The following CUX2 variants were observed in gnomAD, a reference collection of about 807,000 sequenced individuals.
The protein encoded by CUX2 is cut like homeobox 2, also known as homeobox protein cut-like 2.
A neutral mutation model predicts 144.8 loss-of-function variants in CUX2; 40 were observed. That is an observed-to-expected ratio of 0.28 (90% CI 0.21 to 0.36). The LOEUF (loss-of-function observed/expected upper bound fraction) is 0.36, where lower values mean the gene tolerates loss of function less well. Among genes scored for constraint, CUX2 ranks in the 10% least tolerant of loss-of-function variants. CUX2 has a pLI of 1.00. For synonymous variants in CUX2, 827 were observed against 875.6 expected (o/e 0.94, Z 0.98); for missense variants, 1,615 against 1,994.0 (o/e 0.81, Z 3.62).
At chr12:111,318,257 T>C (rs1177059776) in intron 16 of CUX2, among the ~76,000 whole-genome samples, 6 of 147,686 alleles carry the variant, frequency 4.1e-5, no homozygotes, top group African/African-American at 1.5e-4. Context: ...TTTTTTTTTT[T>C]TTTTCACTTT....
rs1213336136 is a variant in CUX2 at position 111,277,491 on chromosome 12, A to G, written c.301+13652A>G. Among the ~76,000 whole-genome samples the G allele has an allele frequency of 6.6e-6, 1 of 151,392 alleles. No individual in the cohort carries two copies. Among genetic ancestry groups the G allele is most frequent in the African/African-American group, 2.4e-5 (1 of 41,136 alleles). ...TGCCTCATTAGGGCTCCGCGGAGAC[A>G]CCACTCCCCTCACCAGGCTGCCCAT... On this transcript the variant is annotated intron_variant, in intron 4 of 21. Coordinates refer to ENST00000261726, the MANE Select transcript of CUX2 (RefSeq NM_015267.4). This position sits in a 1 kb window ranked among gnomAD's most constrained non-coding sequence, Gnocchi z 5.0.
chr12:111,187,663 G>A (rs372943041), intron 1 of CUX2, among the ~76,000 whole-genome samples: 318 of 152,270 alleles, frequency 2.1e-3, no homozygotes, highest in African/African-American at 7.3e-3. Flanking sequence ...ACAACAGGCC[G>A]GCTGGGTCTC....
In CUX2 at chr12:111,073,853, C is replaced by T. The variant is rs997432054; in HGVS notation, c.63+39613C>T. ...GCAAGCGCCTGTAGTTCTAGCTACT[C>T]CGGAGGCTGAGGCAGGAGAATGTCT... On this transcript the variant is annotated intron_variant, in intron 1 of 21. Transcript: ENST00000261726. Among the ~76,000 whole-genome samples the T allele has an allele frequency of 9.9e-5, 15 of 151,776 alleles. 2 individuals are homozygous for T. The highest frequency in any genetic ancestry group is 3.6e-4 in the African/African-American group (15 of 41,170).
chr12:111,248,027 A>G (rs1209480857), intron 3 of CUX2, among the ~76,000 whole-genome samples: 2 of 152,136 alleles, frequency 1.3e-5, no homozygotes, highest in Non-Finnish European at 2.9e-5. Flanking sequence ...TGCCTCAGCA[A>G]CCGAAGTACA....
At chr12:111,301,226 A>C (rs1264324475) in intron 9 of CUX2, among the ~76,000 whole-genome samples, 1 of 152,190 alleles carries the variant, frequency 6.6e-6, no homozygotes, top group Non-Finnish European at 1.5e-5. Flanking sequence ...GCTGGGGTAC[A>C]GCAGATCCAT....
intron 1 of CUX2, among the ~76,000 whole-genome samples, chr12:111,038,704 C>G (rs917213607): frequency 3.3e-5 from 5 of 152,356 alleles, no homozygotes; most frequent in Admixed American, 3.3e-4. Context: ...TTCTCAAAAA[C>G]GGGCTCTCTC....
At chr12:111,335,724 A>G (rs1592982631) in intron 19 of CUX2, among the ~76,000 whole-genome samples, 1 of 152,084 alleles carries the variant, frequency 6.6e-6, no homozygotes, top group African/African-American at 2.4e-5. Flanking sequence ...ATAAAAAATA[A>G]AAAAGCTTCC....
chr12:111,293,755 T>C lies in CUX2; in HGVS notation c.560+186T>C, dbSNP rs2136335617. ...TGGGTTCAAGTTCCACTGCAGGAACTCAGTGGCCAGCCCTGGGCAAGTCAC... is the reference window on the plus strand; with the variant it reads ...TGGGTTCAAGTTCCACTGCAGGAACCCAGTGGCCAGCCCTGGGCAAGTCAC... On this transcript the variant is annotated intron_variant, in intron 6 of 21. Transcript: ENST00000261726. This position sits in a 1 kb window ranked among gnomAD's most constrained non-coding sequence, Gnocchi z 4.5. Among the ~76,000 whole-genome samples, 1 of 152,290 alleles carries C rather than the reference T, an allele frequency of 6.6e-6. No homozygotes were observed. The highest frequency in any genetic ancestry group is 3.4e-3 in the Middle Eastern group (1 of 294).
rs1378753957 is a variant in CUX2 at position 111,349,728 on chromosome 12, C to T, written c.*1403C>T. 6.6e-6 allele frequency: 1 copy of T among 152,172 alleles called. No homozygotes were observed. Among genetic ancestry groups the T allele is most frequent in the East Asian group, 1.9e-4 (1 of 5,198 alleles). 9.4% of individuals were successfully genotyped at this position (152,172 alleles called of 1,614,324 possible). Reference sequence around the variant, plus strand: ...TTCCCAATTTGGATAGAACGGCCACCATATTGGTTACTGAATCTCTCTCCC... The same window carrying T: ...TTCCCAATTTGGATAGAACGGCCACTATATTGGTTACTGAATCTCTCTCCC... On this transcript the variant is annotated 3_prime_UTR_variant, in exon 22 of 22. Transcript: ENST00000261726.
intron 1 of CUX2, among the ~76,000 whole-genome samples, chr12:111,042,853 C>T (rs1869817520): frequency 6.7e-6 from 1 of 149,968 alleles, no homozygotes; most frequent in South Asian, 2.1e-4. Flanking sequence ...CCAGGCTAGT[C>T]TCGAACTCCT....
chr12:111,086,836 G>T (rs1306208111), intron 1 of CUX2, among the ~76,000 whole-genome samples: 1 of 152,154 alleles, frequency 6.6e-6, no homozygotes, highest in African/African-American at 2.4e-5. Context: ...GGAGGCTGAG[G>T]CAAGAGGATC....
intron 3 of CUX2, among the ~76,000 whole-genome samples, chr12:111,243,496 C>CCT (rs1555207180): frequency 7.5e-5 from 6 of 80,020 alleles, no homozygotes; most frequent in African/African-American, 3.6e-4. Context: ...GTTGATGTGC[C>CCT]TTTTTTTTTT....
At chr12:111,297,388 G>GC (rs1886065483) in intron 8 of CUX2, among the ~76,000 whole-genome samples, 1 of 152,156 alleles carries the variant, frequency 6.6e-6, no homozygotes, top group Non-Finnish European at 1.5e-5. Context: ...TCGGCTGGAG[G>GC]CCCCCGTTTC....
At position 111,035,884 on chromosome 12, in the gene CUX2, G is replaced by GGCTGCGA. The variant is rs1379243950; in HGVS notation, c.63+1649_63+1655dup. ...TTTGGTGGCCAACTGAGACGGGCAG[G>GGCTGCGA]GCTGCGAGCTGTGCCTGCCGGCTTA... On this transcript the variant is annotated intron_variant, in intron 1 of 21. Transcript: ENST00000261726. The surrounding 1 kb of genome is among the most constrained non-coding windows in gnomAD (Gnocchi z 6.0). Among the ~76,000 whole-genome samples, 1 of 152,148 alleles carries GGCTGCGA rather than the reference G, an allele frequency of 6.6e-6. No homozygotes were observed. Among genetic ancestry groups the GGCTGCGA allele is most frequent in the Non-Finnish European group, 1.5e-5 (1 of 68,042 alleles).
chr12:111,147,547 T>G (rs1014382609), intron 1 of CUX2, among the ~76,000 whole-genome samples: 1 of 152,178 alleles, frequency 6.6e-6, no homozygotes, highest in East Asian at 1.9e-4. Context: ...GTTCCCACCC[T>G]CTCGTGCTCT....
chr12:111,334,718 G>A lies in CUX2; in HGVS notation c.3196+8G>A, dbSNP rs2136434231. The A allele has an allele frequency of 1.3e-6, 2 of 1,587,478 alleles. No homozygotes were observed. The highest frequency in any genetic ancestry group is 8.6e-7 in the Non-Finnish European group (1 of 1,164,486). ...TCACAGACAACAATCTAGGTACGGA[G>A]CGGGTGGGAATCGGAGAGGCTGCCT... On this transcript the variant is annotated splice_region_variant and intron_variant, in intron 19 of 21. Coordinates refer to ENST00000261726, the MANE Select transcript of CUX2 (RefSeq NM_015267.4).
At chr12:111,100,150 A>G in intron 1 of CUX2, 2 of 434,130 alleles carry the variant, frequency 4.6e-6, no homozygotes, top group Non-Finnish European at 9.3e-6. Context: ...GGTTGAGAGG[A>G]CTTGGGGGAT....
rs1405067686 is a variant in CUX2, at chr12:111,190,243, T to C, written c.64-23957T>C. 6.6e-6 allele frequency among the ~76,000 whole-genome samples: 1 copy of C among 152,268 alleles called. No individual in the cohort carries two copies. The highest frequency in any genetic ancestry group is 1.9e-4 in the East Asian group (1 of 5,188). On this transcript the variant is annotated intron_variant, in intron 1 of 21. Coordinates refer to ENST00000261726, the MANE Select transcript of CUX2 (RefSeq NM_015267.4). The surrounding 1 kb of genome is among the most constrained non-coding windows in gnomAD (Gnocchi z 4.0). ...TCAGATAAACTGTACATTCCTTCTC[T>C]CTCTCTGTGGCCTTGCCTTTGCGCT...
rs1233891579 is a variant in CUX2 at position 111,293,722 on chromosome 12, A to G, written c.560+153A>G. Among the ~76,000 whole-genome samples the G allele has an allele frequency of 2.6e-5, 4 of 152,144 alleles. No individual in the cohort carries two copies. The highest frequency in any genetic ancestry group is 1.3e-4 in the Admixed American group (2 of 15,272). The stretch of plus-strand genomic sequence containing the variant: ...AAAGGGCCGAGGGCTTTGGACTCCA[A>G]CCGGGTCTGGGTTCAAGTTCCACTG... On this transcript the variant is annotated intron_variant, in intron 6 of 21. Transcript: ENST00000261726. The surrounding 1 kb of genome is among the most constrained non-coding windows in gnomAD (Gnocchi z 4.5).
Sources: allele counts gnomAD v4.1 joint callset (sites outside exome capture counted in the v4.1 genomes callset), GRCh38; gene constraint gnomAD v4.1.1; non-coding constraint Gnocchi (gnomAD v3.1); transcripts MANE v1.5; gene names NCBI Gene and HGNC (gene_info 2026-07-23, HGNC 2026-07-21).